Variants in AP3B1 observed in about 807,000 individuals in gnomAD.
AP3B1 encodes AP-3 complex subunit beta-1.
A neutral mutation model predicts 132.5 loss-of-function variants in AP3B1; 61 were observed. The observed-to-expected ratio is 0.46, with a 90% confidence interval of 0.37 to 0.57. The LOEUF is 0.57. AP3B1 is among the 20% of genes least tolerant of loss of function. AP3B1 has a pLI of 0.00. For synonymous variants in AP3B1, 388 were observed against 438.3 expected (o/e 0.89, Z 1.43); for missense variants, 1,120 against 1,289.4 (o/e 0.87, Z 2.01).
At chr5:78,159,415 CA>C (rs933318276) in intron 13 of AP3B1, among the ~76,000 whole-genome samples, 8 of 152,286 alleles carry the variant, frequency 5.3e-5, no homozygotes, top group African/African-American at 1.9e-4. Flanking sequence ...AGAAGTCTAA[CA>C]TAGGTCTTAT....
intron 23 of AP3B1, among the ~76,000 whole-genome samples, chr5:78,036,426 CACA>C (rs1247913234): frequency 1.3e-5 from 2 of 152,032 alleles, no homozygotes; most frequent in Non-Finnish European, 2.9e-5. Flanking sequence ...TCTGTTACGC[CACA>C]ACATTAATAT....
intron 7 of AP3B1, among the ~76,000 whole-genome samples, chr5:78,213,924 A>G (rs1370077916): frequency 6.6e-6 from 1 of 152,224 alleles, no homozygotes; most frequent in African/African-American, 2.4e-5. Flanking sequence ...TCAACGCTGC[A>G]TAAGAAAGGA....
intron 2 of AP3B1, among the ~76,000 whole-genome samples, chr5:78,245,416 A>G (rs1339236219): frequency 6.6e-6 from 1 of 152,204 alleles, no homozygotes; most frequent in Non-Finnish European, 1.5e-5. Context: ...CCTTGAACAC[A>G]GTGTTTACAG....
chr5:78,055,056 C>CACACACAT (rs1554060962), intron 22 of AP3B1, among the ~76,000 whole-genome samples: 1 of 128,068 alleles, frequency 7.8e-6, no homozygotes, highest in African/African-American at 3.0e-5. Flanking sequence ...CACACACACA[C>CACACACAT]ACTTACTTAT....
At chr5:78,007,705 T>C (rs888117092) in intron 26 of AP3B1, among the ~76,000 whole-genome samples, 1 of 152,226 alleles carries the variant, frequency 6.6e-6, no homozygotes, top group African/African-American at 2.4e-5. Context: ...TAAATCTTTA[T>C]TACCTTGAGT....
intron 24 of AP3B1, 97 bp downstream of exon 24, chr5:78,034,264 T>C (rs1747701896): frequency 1.1e-6 from 1 of 914,746 alleles, no homozygotes; most frequent in African/African-American, 1.6e-5. Context: ...TTTAAATGTT[T>C]TGTCTTTCAC....
At chr5:78,284,366 T>C (rs904562752) in intron 1 of AP3B1, among the ~76,000 whole-genome samples, 14 of 152,218 alleles carry the variant, frequency 9.2e-5, no homozygotes, top group Admixed American at 4.6e-4. Flanking sequence ...GGTTATTCTA[T>C]TTATGTAGGT....
chr5:78,172,785 T>C (rs894339286), intron 11 of AP3B1, among the ~76,000 whole-genome samples: 3 of 152,238 alleles, frequency 2.0e-5, no homozygotes, highest in African/African-American at 7.2e-5. Context: ...ATCTTAATTA[T>C]TTCTTGCCTT....
chr5:78,267,686 A>T (rs1748383734), intron 1 of AP3B1, 91 bp from the exon 2 acceptor site: 1 of 780,462 alleles, frequency 1.3e-6, no homozygotes, highest in South Asian at 1.7e-5. Flanking sequence ...TAGAAGTAAT[A>T]TCATGGGCAA....
At chr5:78,240,518 C>T (rs970674196) in intron 3 of AP3B1, among the ~76,000 whole-genome samples, 2 of 152,090 alleles carry the variant, frequency 1.3e-5, no homozygotes, top group Admixed American at 1.3e-4. Context: ...TCTGGATATA[C>T]CCAAATAGGT....
chr5:78,015,763 A>T, intron 25 of AP3B1: 2 of 518,902 alleles, frequency 3.9e-6, no homozygotes, highest in Admixed American at 6.6e-5. Context: ...GTAAAAATTC[A>T]GTAAAAAATC....
At chr5:78,278,227 T>C (rs910077767) in intron 1 of AP3B1, among the ~76,000 whole-genome samples, 2 of 152,214 alleles carry the variant, frequency 1.3e-5, no homozygotes, top group Non-Finnish European at 2.9e-5. Context: ...TCTATGAGAT[T>C]TCCTGTAAAA....
chr5:78,202,552 A>AGTGTGTGTGTGTGTGTGTGTGTGT (rs36209977), intron 7 of AP3B1, among the ~76,000 whole-genome samples: 1 of 146,054 alleles, frequency 6.8e-6, no homozygotes, highest in Admixed American at 6.9e-5. Context: ...CCATATATTC[A>AGTGTGTGTGTGTGTGTGTGTGTGT]GTGTGTGTGT....
intron 13 of AP3B1, among the ~76,000 whole-genome samples, chr5:78,158,326 A>G (rs1197194271): frequency 6.6e-6 from 1 of 152,078 alleles, no homozygotes; most frequent in African/African-American, 2.4e-5. Flanking sequence ...GAGTTGTGGC[A>G]CGTGCCTATA....
intron 14 of AP3B1, among the ~76,000 whole-genome samples, chr5:78,142,005 T>G (rs1214883213): frequency 6.6e-6 from 1 of 152,118 alleles, no homozygotes; most frequent in Admixed American, 6.5e-5. Flanking sequence ...ATCAAAACTG[T>G]TTTTGCTCTT....
intron 21 of AP3B1, among the ~76,000 whole-genome samples, chr5:78,092,704 G>C (rs1013659128): frequency 6.6e-6 from 1 of 151,670 alleles, no homozygotes; most frequent in African/African-American, 2.4e-5. Context: ...CTGGAGTGGA[G>C]TGGCATAATC....
intron 22 of AP3B1, among the ~76,000 whole-genome samples, chr5:78,085,080 T>A (rs1231120205): frequency 6.6e-6 from 1 of 152,200 alleles, no homozygotes; most frequent in Non-Finnish European, 1.5e-5. Context: ...AGAAGAAGAA[T>A]CTAGACATGA....
At chr5:78,197,579 C>T (rs1745125923) in intron 7 of AP3B1, among the ~76,000 whole-genome samples, 1 of 152,084 alleles carries the variant, frequency 6.6e-6, no homozygotes, top group Admixed American at 6.5e-5. Flanking sequence ...ACTGAACCCA[C>T]AATTTTGGGT....
chr5:78,023,027 C>A (rs941067713), intron 24 of AP3B1, among the ~76,000 whole-genome samples: 1 of 152,170 alleles, frequency 6.6e-6, no homozygotes, highest in Admixed American at 6.5e-5. Context: ...ATACAGCTTC[C>A]CCAGGGTGGG....
Sources: gnomAD v4.1 joint callset for allele counts (sites outside exome capture counted in the v4.1 genomes callset) on GRCh38, gnomAD v4.1.1 for gene constraint, MANE v1.5 for transcripts, NCBI Gene and HGNC (gene_info 2026-07-23, HGNC 2026-07-21) for gene names.